The following CYB5R4 variants were observed in gnomAD, a reference collection of about 807,000 sequenced individuals.
CYB5R4 encodes N-terminal cytochrome b5 and cytochrome b5 oxidoreductase domain-containing protein.
CYB5R4 carries 55 observed loss-of-function variants against 70.2 expected under a neutral mutation model. That is an observed-to-expected ratio of 0.78 (90% CI 0.63 to 0.98). CYB5R4 has a LOEUF of 0.98. CYB5R4 is among the 50% of genes least tolerant of loss of function. The probability of loss-of-function intolerance (pLI) is 0.00; values close to 1 mark genes in which losing one functional copy is unlikely to be tolerated. For synonymous variants in CYB5R4, 197 were observed against 199.5 expected (o/e 0.99, Z 0.11); for missense variants, 562 against 612.6 (o/e 0.92, Z 0.87).
intron 10 of CYB5R4, among the ~76,000 whole-genome samples, chr6:83,933,464 C>T (rs1038518056): frequency 1.3e-5 from 2 of 151,882 alleles, no homozygotes; most frequent in African/African-American, 4.8e-5. Flanking sequence ...GCTGTTGGCC[C>T]TTCACTTTCT....
chr6:83,876,538 A>T (rs2099458588), intron 2 of CYB5R4, among the ~76,000 whole-genome samples: 1 of 148,218 alleles, frequency 6.7e-6, no homozygotes, highest in Admixed American at 6.7e-5. Context: ...TTTATGATAT[A>T]CATTTCTAAT....
chr6:83,914,303 A>G (rs2099465144), intron 4 of CYB5R4, 113 bp from the exon 5 acceptor site: 1 of 1,185,114 alleles, frequency 8.4e-7, no homozygotes, highest in Middle Eastern at 2.6e-4. Flanking sequence ...AGGCCTTAGA[A>G]GAAAGCCCTT....
At chr6:83,937,983 G>A (rs1424701294) in intron 12 of CYB5R4, among the ~76,000 whole-genome samples, 1 of 152,278 alleles carries the variant, frequency 6.6e-6, no homozygotes, top group East Asian at 1.9e-4. Flanking sequence ...GGCAGCATTA[G>A]CAATACATTG....
At chr6:83,906,717 T>G (rs2099463824) in intron 3 of CYB5R4, among the ~76,000 whole-genome samples, 1 of 152,242 alleles carries the variant, frequency 6.6e-6, no homozygotes, top group South Asian at 2.1e-4. Context: ...AATTATCCAT[T>G]CACTATCTTG....
intron 2 of CYB5R4, among the ~76,000 whole-genome samples, chr6:83,888,470 CATT>C (rs2099460597): frequency 6.6e-6 from 1 of 152,048 alleles, no homozygotes; most frequent in Admixed American, 6.6e-5. Flanking sequence ...CAAACTTTTT[CATT>C]ATTATTGTAT....
At chr6:83,872,389 G>T (rs1040566584) in intron 2 of CYB5R4, among the ~76,000 whole-genome samples, 3 of 152,100 alleles carry the variant, frequency 2.0e-5, no homozygotes, top group African/African-American at 7.2e-5. Flanking sequence ...ACAGATTGAG[G>T]GTACTGAAGC....
intron 10 of CYB5R4, among the ~76,000 whole-genome samples, chr6:83,930,490 A>G (rs1292194580): frequency 6.6e-6 from 1 of 152,180 alleles, no homozygotes; most frequent in Non-Finnish European, 1.5e-5. Context: ...CTCATCCCTA[A>G]GAAACAACTG....
At chr6:83,898,215 T>C (rs181526032) in intron 3 of CYB5R4, among the ~76,000 whole-genome samples, 320 of 152,316 alleles carry the variant, frequency 2.1e-3, no homozygotes, top group African/African-American at 7.1e-3. Flanking sequence ...ATTTATTAAA[T>C]AGGGAATCCT....
intron 1 of CYB5R4, 21 bp downstream of exon 1, chr6:83,859,878 GTC>G (rs756429658): frequency 1.9e-6 from 3 of 1,602,828 alleles, no homozygotes; most frequent in Non-Finnish European, 2.6e-6. Flanking sequence ...GGCTCCGTGA[GTC>G]TCTCCCCTCG....
chr6:83,955,564 T>C (rs1241920023), intron 15 of CYB5R4, 102 bp downstream of exon 15: 2 of 1,098,514 alleles, frequency 1.8e-6, no homozygotes, highest in African/African-American at 1.6e-5. Flanking sequence ...AACTGCACTT[T>C]AATAATCTTA....
chr6:83,879,446 G>T (rs554881025), intron 2 of CYB5R4, among the ~76,000 whole-genome samples: 4 of 152,234 alleles, frequency 2.6e-5, no homozygotes, highest in African/African-American at 7.2e-5. Context: ...CTTTCCAGCA[G>T]CAGTTAGTAT....
At chr6:83,947,817 A>G (rs144380678) in intron 14 of CYB5R4, among the ~76,000 whole-genome samples, 2,172 of 152,302 alleles carry the variant, frequency 0.014, 50 homozygotes, top group African/African-American at 0.049. Context: ...CAAAACCACA[A>G]TGAGATACCA....
chr6:83,956,297 A>G (rs1309461366), intron 15 of CYB5R4, among the ~76,000 whole-genome samples: 4 of 152,190 alleles, frequency 2.6e-5, no homozygotes, highest in Non-Finnish European at 4.4e-5. Flanking sequence ...TTAGGGAGGC[A>G]TGAGACATCA....
chr6:83,894,095 G>T (rs770081824), intron 3 of CYB5R4, among the ~76,000 whole-genome samples: 3 of 152,196 alleles, frequency 2.0e-5, no homozygotes, highest in Non-Finnish European at 4.4e-5. Context: ...TTAGCCGATG[G>T]TGATTAATGA....
At chr6:83,886,286 A>G (rs1462752681) in intron 2 of CYB5R4, among the ~76,000 whole-genome samples, 1 of 152,208 alleles carries the variant, frequency 6.6e-6, no homozygotes, top group African/African-American at 2.4e-5. Context: ...CCAATCGCTT[A>G]AAGGCCCTAC....
chr6:83,924,374 G>T lies in CYB5R4; in HGVS notation c.692-96G>T, dbSNP rs2129140487. ...CTAATAATCAGTACCATTCATATTA[G>T]ATCAGGACACTTGTACTATTTGAGA... On this transcript the variant is annotated intron_variant, in intron 9 of 15. Coordinates refer to ENST00000369681, the MANE Select transcript of CYB5R4 (RefSeq NM_016230.4). The T allele has an allele frequency of 2.3e-6, 3 of 1,278,392 alleles. No homozygotes were observed. The South Asian group carries it at 4.3e-5, about 18-fold the overall frequency. The allele number at this position is 1,278,392 out of a possible 1,614,324, so 79.2% of individuals were successfully genotyped here.
rs551778438 is a variant in CYB5R4 at position 83,918,050 on chromosome 6, G to A, written c.491G>A (p.Gly164Asp). Residue 164 changes from glycine (G) to aspartate (D), a missense_variant, in exon 6 of 16, where the codon GGT (glycine) becomes GAT (aspartate). By Grantham distance (94) the Gly-to-Asp change is moderately conservative. Coordinates refer to ENST00000369681, the MANE Select transcript of CYB5R4 (RefSeq NM_016230.4). The part of the protein sequence containing the change: ...SQVTDTLAKE[G>D]PSYPSYDWFQ... Reference sequence around the variant, plus strand: ...GTGACAGATACACTTGCCAAAGAAGGTCCTAGTTATCCAAGGTATGCATTC... The same window carrying A: ...GTGACAGATACACTTGCCAAAGAAGATCCTAGTTATCCAAGGTATGCATTC... 7 of 1,610,646 alleles carry A rather than the reference G, an allele frequency of 4.3e-6. No homozygotes were observed. The highest frequency in any genetic ancestry group is 1.3e-5 in the African/African-American group (1 of 74,962).
intron 5 of CYB5R4, among the ~76,000 whole-genome samples, chr6:83,915,367 C>T (rs1254971764): frequency 6.6e-6 from 1 of 152,168 alleles, no homozygotes; most frequent in Non-Finnish European, 1.5e-5. Flanking sequence ...CTGAAATAGT[C>T]TATATTGTGG....
At chr6:83,881,081 A>G (rs1225826171) in intron 2 of CYB5R4, among the ~76,000 whole-genome samples, 1 of 152,148 alleles carries the variant, frequency 6.6e-6, no homozygotes, top group African/African-American at 2.4e-5. Flanking sequence ...GCACACCTAC[A>G]CTTCTCATAG....
Sources: gnomAD v4.1 joint callset for allele counts (sites outside exome capture counted in the v4.1 genomes callset) on GRCh38, gnomAD v4.1.1 for gene constraint, MANE v1.5 for transcripts, NCBI Gene and HGNC (gene_info 2026-07-23, HGNC 2026-07-21) for gene names.